SAXO1: variants seen among roughly 807,000 people sequenced by gnomAD.
The protein encoded by SAXO1 is stabilizer of axonemal microtubules 1.
Under a neutral mutation model 17.5 loss-of-function variants are expected in SAXO1, and 21 were observed. The ratio of observed to expected loss-of-function variants is 1.20; its 90% CI spans 0.85 to 1.72. The LOEUF (loss-of-function observed/expected upper bound fraction) is 1.72, where lower values mean the gene tolerates loss of function less well. SAXO1 is among the 40% of genes most tolerant of loss of function. The pLI is 0.00. For missense variants in SAXO1, 843 were observed against 596.0 expected (o/e 1.41, Z -4.32); for synonymous variants, 274 against 216.5 (o/e 1.27, Z -2.33).
At chr9:18,941,127 A>C (rs1404191072) in intron 3 of SAXO1, among the ~76,000 whole-genome samples, 1 of 152,234 alleles carries the variant, frequency 6.6e-6, no homozygotes, top group Admixed American at 6.5e-5. Flanking sequence ...GAATGAATCA[A>C]TCACTTAATC....
chr9:19,014,810 C>G (rs546117659), intron 1 of SAXO1, among the ~76,000 whole-genome samples: 51 of 152,250 alleles, frequency 3.3e-4, no homozygotes, highest in African/African-American at 1.2e-3. Context: ...CATAGAGGCT[C>G]TACATGAAAA....
intron 1 of SAXO1, among the ~76,000 whole-genome samples, chr9:19,012,419 G>C (rs184568131): frequency 1.3e-4 from 20 of 152,340 alleles, no homozygotes; most frequent in South Asian, 2.1e-4. Flanking sequence ...ATCTGTAATA[G>C]ACAACTGTAA....
chr9:18,940,140 A>G (rs375936800), intron 3 of SAXO1, among the ~76,000 whole-genome samples: 10 of 152,294 alleles, frequency 6.6e-5, no homozygotes, highest in African/African-American at 2.4e-4. Flanking sequence ...TGGTGGTAAG[A>G]GGGAGGATTA....
chr9:18,976,365 T>C (rs954696759), intron 1 of SAXO1, among the ~76,000 whole-genome samples: 1 of 152,176 alleles, frequency 6.6e-6, no homozygotes. Flanking sequence ...GGGAGAGAGC[T>C]CTTGCTACAA....
intron 1 of SAXO1, among the ~76,000 whole-genome samples, chr9:18,958,195 G>A (rs955259154): frequency 2.0e-5 from 3 of 152,090 alleles, no homozygotes; most frequent in Non-Finnish European, 2.9e-5. Context: ...AGGCTGAGGT[G>A]GGTGAATCAT....
rs1835836350 is a variant in SAXO1, at chr9:19,033,022, T to A, written c.-114A>T. Reference sequence around the variant, plus strand: ...CCAGGCTCGAGGGTCTTGGCAGGTGTTCTGTTTACTCGAAGGAAAATTTAA... The same window carrying A: ...CCAGGCTCGAGGGTCTTGGCAGGTGATCTGTTTACTCGAAGGAAAATTTAA... On this transcript the variant is annotated 5_prime_UTR_variant, in exon 1 of 4. Transcript: ENST00000380534. 1 of 1,118,604 alleles carries A rather than the reference T, an allele frequency of 8.9e-7. No individual in the cohort carries two copies. Among genetic ancestry groups the A allele is most frequent in the South Asian group, 1.8e-5 (1 of 56,410 alleles). 69.3% of individuals were successfully genotyped at this position (1,118,604 alleles called of 1,614,324 possible).
chr9:18,964,153 T>C (rs776671134), intron 1 of SAXO1, among the ~76,000 whole-genome samples: 1 of 152,240 alleles, frequency 6.6e-6, no homozygotes, highest in Non-Finnish European at 1.5e-5. Flanking sequence ...CTTTTTGATG[T>C]GCTGCTCGAT....
chr9:19,034,279 G>GC (rs967835828), upstream of SAXO1, among the ~76,000 whole-genome samples: 1 of 151,920 alleles, frequency 6.6e-6, no homozygotes, highest in African/African-American at 2.4e-5. Context: ...TGTGTGGGGG[G>GC]GGTTAGGTTT....
chr9:18,993,514 A>G (rs1334745311), intron 1 of SAXO1, among the ~76,000 whole-genome samples: 1 of 152,176 alleles, frequency 6.6e-6, no homozygotes, highest in Non-Finnish European at 1.5e-5. Flanking sequence ...AGGTGCAGAC[A>G]TGTCCCATGT....
chr9:18,937,789 C>G (rs1563929015), intron 3 of SAXO1, among the ~76,000 whole-genome samples: 1 of 152,120 alleles, frequency 6.6e-6, no homozygotes, highest in Non-Finnish European at 1.5e-5. Context: ...CTATCAGCGC[C>G]TTGATCTTGA....
intron 1 of SAXO1, among the ~76,000 whole-genome samples, chr9:19,020,318 GC>G (rs777824391): frequency 6.6e-6 from 1 of 151,804 alleles, no homozygotes; most frequent in Non-Finnish European, 1.5e-5. Flanking sequence ...TTTGTTTGGG[GC>G]CCAGCATTTC....
chr9:19,003,259 G>A (rs575006250), intron 1 of SAXO1, among the ~76,000 whole-genome samples: 1 of 152,304 alleles, frequency 6.6e-6, no homozygotes, highest in South Asian at 2.1e-4. Context: ...CAAACAAACG[G>A]AAGAATATTC....
intron 1 of SAXO1, among the ~76,000 whole-genome samples, chr9:19,021,328 C>A (rs1835224999): frequency 6.6e-6 from 1 of 152,224 alleles, no homozygotes; most frequent in Admixed American, 6.5e-5. Context: ...AGATCAGACA[C>A]CGCAAGAGCC....
chr9:18,958,199 G>T (rs986523408), intron 1 of SAXO1, among the ~76,000 whole-genome samples: 1 of 152,128 alleles, frequency 6.6e-6, no homozygotes, highest in Non-Finnish European at 1.5e-5. Flanking sequence ...TGAGGTGGGT[G>T]AATCATTTGA....
chr9:18,937,278 C>A (rs1371997869), intron 3 of SAXO1, among the ~76,000 whole-genome samples: 1 of 152,194 alleles, frequency 6.6e-6, no homozygotes, highest in Non-Finnish European at 1.5e-5. Context: ...CCAGGACCCA[C>A]AGGGTAATAG....
intron 1 of SAXO1, among the ~76,000 whole-genome samples, chr9:18,961,129 G>T (rs1391538069): frequency 6.6e-6 from 1 of 151,656 alleles, no homozygotes. Flanking sequence ...GTATTTAGAG[G>T]AAAATTTTGC....
rs532152227 is a variant in SAXO1, at chr9:19,013,743, C to T, written c.38+19128G>A. 5.9e-5 allele frequency among the ~76,000 whole-genome samples: 9 copies of T among 152,030 alleles called. No homozygotes were observed. The South Asian group carries it at 1.5e-3, about 25-fold the overall frequency. The stretch of plus-strand genomic sequence containing the variant: ...TGTATTTTTAGTGGAAACGGGTTTT[C>T]ACCATGTTGGCCAGGCTGGTCTTGA... On this transcript the variant is annotated intron_variant, in intron 1 of 3. Coordinates refer to ENST00000380534, the MANE Select transcript of SAXO1 (RefSeq NM_153707.4).
chr9:19,005,188 T>C lies in SAXO1; in HGVS notation c.38+27683A>G, dbSNP rs74819473. Reference sequence around the variant, plus strand: ...GTTGATGGACTGGAAGTCTTAATACTGTTAAAATGACAATATTACCCAAAG... The same window carrying C: ...GTTGATGGACTGGAAGTCTTAATACCGTTAAAATGACAATATTACCCAAAG... On this transcript the variant is annotated intron_variant, in intron 1 of 3. Transcript: ENST00000380534. Among the ~76,000 whole-genome samples the C allele has an allele frequency of 3.6e-4, 55 of 152,304 alleles. No individual in the cohort carries two copies. In the East Asian group the frequency reaches 0.01, roughly 28 times the overall value.
chr9:18,950,543 T>C (rs1382107471), intron 2 of SAXO1, among the ~76,000 whole-genome samples: 1 of 152,258 alleles, frequency 6.6e-6, no homozygotes, highest in Non-Finnish European at 1.5e-5. Context: ...GCAAGAATCC[T>C]TTCTCTTTAA....
Sources: allele counts gnomAD v4.1 joint callset (sites outside exome capture counted in the v4.1 genomes callset), GRCh38; gene constraint gnomAD v4.1.1; transcripts MANE v1.5; gene names NCBI Gene and HGNC (gene_info 2026-07-23, HGNC 2026-07-21).